The following PRR4 variants were observed in gnomAD, a reference collection of about 807,000 sequenced individuals.
PRR4 encodes the protein proline-rich protein 4.
PRR4 carries 7 observed loss-of-function variants against 7.6 expected under a neutral mutation model. The observed-to-expected ratio is 0.92, with a 90% CI of 0.52 to 1.73. The LOEUF is 1.73. Ranked by LOEUF, PRR4 falls within the 40% of genes most tolerant of loss-of-function variation. The pLI is 0.00. For synonymous variants in PRR4, 64 were observed against 58.5 expected (o/e 1.09, Z -0.43); for missense variants, 187 against 161.0 (o/e 1.16, Z -0.87).
rs144753313 is a variant in PRR4 at position 10,847,769 on chromosome 12, T to C, written c.101-402A>G. On this transcript the variant is annotated intron_variant, in intron 2 of 3. Transcript: ENST00000228811. ...GACTTACAAACTGTGACTCCATCTC[T>C]GGGCACCTAAGCCCTATGTGGAAAC... Among the ~76,000 whole-genome samples the C allele has an allele frequency of 5.3e-5, 8 of 152,272 alleles. No individual in the cohort carries two copies. The East Asian group carries it at 1.5e-3, about 29-fold the overall frequency.
At chr12:10,846,859 T>A (rs1196715914) in intron 3 of PRR4, 186 bp downstream of exon 3, 2 of 525,976 alleles carry the variant, frequency 3.8e-6, no homozygotes, top group African/African-American at 1.9e-5. Context: ...AGATAAGAAT[T>A]CTTTGAACCA....
intron 1 of PRR4, 90 bp from the exon 2 acceptor site, chr12:10,848,497 ACACCCTGTG>A: frequency 8.0e-7 from 1 of 1,245,842 alleles, no homozygotes; most frequent in African/African-American, 1.5e-5. Context: ...TCTTCTGGCC[ACACCCTGTG>A]CATCCCCTAA....
At position 10,847,001 on chromosome 12, in the gene PRR4, G is replaced by C. The variant is rs777465787; in HGVS notation, c.*18+44C>G. ...TGTGAACACGATAAAGTTTGGGAAT[G>C]GTAGCAGTTTGGGCATTTAATGGAG... On this transcript the variant is annotated intron_variant, in intron 3 of 3. Transcript: ENST00000228811. 1.5e-5 allele frequency: 22 copies of C among 1,445,414 alleles called. No homozygotes were observed. The African/African-American group carries it at 3.0e-4, about 19-fold the overall frequency. 89.5% of individuals were successfully genotyped at this position (1,445,414 alleles called of 1,614,324 possible).
chr12:10,847,418 T>C, intron 2 of PRR4, 51 bp from the exon 3 acceptor site: 1 of 1,364,828 alleles, frequency 7.3e-7, no homozygotes, highest in Non-Finnish European at 9.9e-7. Context: ...GAAGAAAAAC[T>C]CTCCTCTCTT....
chr12:10,846,593 T>A (rs1247323761), intron 3 of PRR4, among the ~76,000 whole-genome samples: 1 of 152,144 alleles, frequency 6.6e-6, no homozygotes, highest in African/African-American at 2.4e-5. Flanking sequence ...AAATAAGATA[T>A]AAGAGCATCA....
chr12:10,846,066 A>G, intron 3 of PRR4, 116 bp from the exon 4 acceptor site: 2 of 706,042 alleles, frequency 2.8e-6, no homozygotes, highest in Admixed American at 4.2e-5. Flanking sequence ...TTAAGAAAAC[A>G]GATTTTTTTA....
chr12:10,847,422 C>A (rs1286328397), intron 2 of PRR4, 55 bp from the exon 3 acceptor site: 21 of 1,347,196 alleles, frequency 1.6e-5, no homozygotes, highest in Non-Finnish European at 7.0e-6. Flanking sequence ...AAAAACTCTC[C>A]TCTCTTTATA....
At chr12:10,846,031 C>T (rs1425939215) in intron 3 of PRR4, 81 bp from the exon 4 acceptor site, 2 of 958,116 alleles carry the variant, frequency 2.1e-6, no homozygotes, top group Non-Finnish European at 2.8e-6. Flanking sequence ...GATGATATTA[C>T]TGAAGTAAAT....
In PRR4 at chr12:10,847,087, A is replaced by T; in HGVS notation, c.381T>A (p.His127Gln). Reference sequence around the variant, plus strand: ...ATTACCAGAGTGGTTGCTCCTGGGGATGTCTTGCTGGTCTGTCCCTCTGGA... The same window carrying T: ...ATTACCAGAGTGGTTGCTCCTGGGGTTGTCTTGCTGGTCTGTCCCTCTGGA... ...SFFQRDRPAR[H>Q]PQEQPLW Residue 127 changes from histidine to glutamine, a missense_variant, in exon 3 of 4, where the codon CAT becomes CAA. Transcript: ENST00000228811. 1 of 1,599,468 alleles carries T rather than the reference A, an allele frequency of 6.3e-7. No individual in the cohort carries two copies. Among genetic ancestry groups the T allele is most frequent in the Non-Finnish European group, 8.5e-7 (1 of 1,170,784 alleles).
chr12:10,846,952 A>G, intron 3 of PRR4, 93 bp downstream of exon 3: 1 of 1,195,530 alleles, frequency 8.4e-7, no homozygotes, highest in Non-Finnish European at 1.2e-6. Context: ...GGATTATGTA[A>G]TTTCAACATA....
At chr12:10,846,488 G>A (rs906261522) in intron 3 of PRR4, among the ~76,000 whole-genome samples, 4 of 152,130 alleles carry the variant, frequency 2.6e-5, no homozygotes, top group Non-Finnish European at 1.5e-5. Flanking sequence ...GTAGGATAAG[G>A]CGTCACTTTA....
chr12:10,848,501 C>A, intron 1 of PRR4, 94 bp from the exon 2 acceptor site: 1 of 1,155,646 alleles, frequency 8.7e-7, no homozygotes. Flanking sequence ...CTGGCCACAC[C>A]CTGTGCATCC....
At chr12:10,848,460 G>A in intron 1 of PRR4, 53 bp from the exon 2 acceptor site, 1 of 1,561,378 alleles carries the variant, frequency 6.4e-7, no homozygotes, top group Non-Finnish European at 8.8e-7. Context: ...ATCTTTCAGG[G>A]CTCATAGTGG....
chr12:10,848,554 G>T, intron 1 of PRR4, 147 bp from the exon 2 acceptor site: 1 of 641,182 alleles, frequency 1.6e-6, no homozygotes, highest in Non-Finnish European at 2.6e-6. Flanking sequence ...GCTGCTGGAA[G>T]GGGAGGAAGA....
chr12:10,847,441 A>C, intron 2 of PRR4, 74 bp from the exon 3 acceptor site: 1 of 1,158,710 alleles, frequency 8.6e-7, no homozygotes, highest in Non-Finnish European at 1.2e-6. Context: ...TACTTCTCTC[A>C]CCTTACCACA....
intron 2 of PRR4, among the ~76,000 whole-genome samples, chr12:10,847,781 C>T (rs1403975944): frequency 1.3e-5 from 2 of 152,010 alleles, no homozygotes; most frequent in East Asian, 3.9e-4. Context: ...GGCACCTAAG[C>T]CCTATGTGGA....
intron 1 of PRR4, 162 bp from the exon 2 acceptor site, chr12:10,848,569 A>G (rs1949054192): frequency 3.5e-6 from 2 of 570,282 alleles, no homozygotes; most frequent in Non-Finnish European, 6.1e-6. Flanking sequence ...GGAAGATGTT[A>G]GGGGAGGCAG....
chr12:10,847,790 G>A (rs975732183), intron 2 of PRR4, among the ~76,000 whole-genome samples: 6 of 152,066 alleles, frequency 3.9e-5, no homozygotes, highest in Non-Finnish European at 7.4e-5. Context: ...GCCCTATGTG[G>A]AAACTAGAGC....
Position 10,845,863 on chromosome 12 carries a change from T to C in PRR4, c.*106A>G. The C allele has an allele frequency of 9.4e-7, 1 of 1,066,662 alleles. No individual in the cohort carries two copies. Among genetic ancestry groups the C allele is most frequent in the Non-Finnish European group, 1.2e-6 (1 of 810,224 alleles). The allele number at this position is 1,066,662 out of a possible 1,614,324, so 66.1% of individuals were successfully genotyped here. ...ACAATCAGAAATTGCATGCTATTAA[T>C]ATTTTATTGGTATACTGAAGAAAGA... On this transcript the variant is annotated 3_prime_UTR_variant, in exon 4 of 4. Transcript: ENST00000228811.
Sources: allele counts gnomAD v4.1 joint callset (sites outside exome capture counted in the v4.1 genomes callset), GRCh38; gene constraint gnomAD v4.1.1; transcripts MANE v1.5; gene names NCBI Gene and HGNC (gene_info 2026-07-23, HGNC 2026-07-21).